The following SPOCK3 variants were observed in gnomAD, a reference collection of about 807,000 sequenced individuals.
SPOCK3 encodes the protein testican-3.
In SPOCK3, 30 loss-of-function variants were observed where a neutral mutation model predicts 56.6. The observed-to-expected ratio is 0.53, with a 90% confidence interval of 0.40 to 0.72. SPOCK3 has a LOEUF of 0.72. Ranked by LOEUF, SPOCK3 falls within the 30% of genes least tolerant of loss-of-function variation. SPOCK3 has a pLI of 0.00. For synonymous variants in SPOCK3, 196 were observed against 183.3 expected (o/e 1.07, Z -0.56); for missense variants, 527 against 530.0 (o/e 0.99, Z 0.06).
rs765622322 is a variant in SPOCK3, at chr4:166,754,672, C to A, written c.767G>T (p.Arg256Ile). The A allele has an allele frequency of 6.2e-7, 1 of 1,613,662 alleles. No individual in the cohort carries two copies. Among genetic ancestry groups the A allele is most frequent in the South Asian group, 1.1e-5 (1 of 91,064 alleles). Residue 256 changes from arginine to isoleucine, a missense_variant, in exon 8 of 11, where the codon AGA (arginine) becomes ATA (isoleucine). Transcript: ENST00000357545. ...CKDSLGWMFN[R>I]LDTNYDLLLD... ...TAGCAGGTCATAGTTTGTATCAAGT[C>A]TGTTAAACATCCAGCCAAGTGAGTC...
At chr4:167,011,528 C>A (rs1454214286) in intron 3 of SPOCK3, among the ~76,000 whole-genome samples, 1 of 152,034 alleles carries the variant, frequency 6.6e-6, no homozygotes, top group African/African-American at 2.4e-5. Context: ...GTAATTTTAA[C>A]AATTTTAAAA....
intron 7 of SPOCK3, among the ~76,000 whole-genome samples, chr4:166,788,631 CT>C: frequency 6.6e-6 from 1 of 151,586 alleles, no homozygotes; most frequent in East Asian, 1.9e-4. Context: ...GCTGACAAAC[CT>C]TACAATTATC....
intron 2 of SPOCK3, among the ~76,000 whole-genome samples, chr4:167,083,528 G>T (rs1310894410): frequency 6.6e-6 from 1 of 152,056 alleles, no homozygotes; most frequent in African/African-American, 2.4e-5. Context: ...TTGTCATTTT[G>T]TTTAGACAAC....
rs1282642256 is a variant in SPOCK3, at chr4:167,108,635, G to C, written c.190-46098C>G. Among the ~76,000 whole-genome samples, 3 of 151,644 alleles carry C rather than the reference G, an allele frequency of 2.0e-5. No individual in the cohort carries two copies. In the Admixed American group the frequency reaches 2.0e-4, roughly 10 times the overall value. On this transcript the variant is annotated intron_variant, in intron 2 of 10. Transcript: ENST00000357545. ...AATTGAACTATGGAAAGAGAGAGTA[G>C]AAGGATGGTTACTAGATGCTGGGAA... is the stretch of plus-strand genomic sequence containing the variant.
chr4:166,765,583 A>G (rs1737901166), intron 7 of SPOCK3, among the ~76,000 whole-genome samples: 1 of 152,184 alleles, frequency 6.6e-6, no homozygotes, highest in Non-Finnish European at 1.5e-5. Context: ...TGTTTTGGTT[A>G]CTGTAGCCTT....
At chr4:167,026,947 TG>T (rs1751753187) in intron 3 of SPOCK3, among the ~76,000 whole-genome samples, 1 of 151,822 alleles carries the variant, frequency 6.6e-6, no homozygotes, top group South Asian at 2.1e-4. Flanking sequence ...ATATGGTTTG[TG>T]CAGAATTTTC....
intron 5 of SPOCK3, among the ~76,000 whole-genome samples, chr4:166,908,526 G>GCACA (rs377518404): frequency 0.048 from 6,543 of 136,062 alleles, 215 homozygotes; most frequent in African/African-American, 0.095. Flanking sequence ...TCAAAACCAT[G>GCACA]CACACACACA....
chr4:166,772,879 C>G (rs6822872), intron 7 of SPOCK3, among the ~76,000 whole-genome samples: 69,558 of 151,990 alleles, frequency 0.46, 16,442 homozygotes, highest in African/African-American at 0.51. Flanking sequence ...CAGCCTCAAC[C>G]TCCTGAGCTC....
At chr4:167,096,771 CAA>C (rs957119967) in intron 2 of SPOCK3, among the ~76,000 whole-genome samples, 1 of 151,726 alleles carries the variant, frequency 6.6e-6, no homozygotes, top group Non-Finnish European at 1.5e-5. Context: ...TAAATTACAT[CAA>C]GTTGATTAAT....
intron 4 of SPOCK3, among the ~76,000 whole-genome samples, chr4:166,978,203 T>C (rs1022022875): frequency 6.6e-6 from 1 of 152,172 alleles, no homozygotes; most frequent in African/African-American, 2.4e-5. Flanking sequence ...TTCTTACTTC[T>C]CTTTCCAATT....
At chr4:166,788,339 T>C (rs1424629685) in intron 7 of SPOCK3, among the ~76,000 whole-genome samples, 1 of 152,210 alleles carries the variant, frequency 6.6e-6, no homozygotes, top group East Asian at 1.9e-4. Context: ...CAATTTAAAA[T>C]GTTAGAGGTA....
chr4:167,062,183 CT>C (rs1292404889), intron 3 of SPOCK3, among the ~76,000 whole-genome samples: 1 of 151,810 alleles, frequency 6.6e-6, no homozygotes, highest in African/African-American at 2.4e-5. Context: ...AGTGAATGTA[CT>C]TGAAAACTGG....
intron 4 of SPOCK3, among the ~76,000 whole-genome samples, chr4:166,937,147 T>C (rs982839482): frequency 5.9e-5 from 9 of 152,074 alleles, no homozygotes; most frequent in African/African-American, 2.2e-4. Flanking sequence ...AGGTAGATTT[T>C]TGGTAGATAC....
At chr4:167,062,301 C>CA (rs1490283751) in intron 3 of SPOCK3, among the ~76,000 whole-genome samples, 191 bp downstream of exon 3, 3 of 151,698 alleles carry the variant, frequency 2.0e-5, no homozygotes, top group Admixed American at 1.3e-4. Context: ...CTGACATAAT[C>CA]ATGATAACTA....
At chr4:167,187,270 G>GTT (rs5863863) in intron 2 of SPOCK3, among the ~76,000 whole-genome samples, 73 of 138,986 alleles carry the variant, frequency 5.3e-4, no homozygotes, top group East Asian at 1.7e-3. Flanking sequence ...TAGGGTTCCA[G>GTT]TTTTTTTTTT....
At chr4:166,856,165 G>A (rs1280002244) in intron 6 of SPOCK3, among the ~76,000 whole-genome samples, 4 of 151,770 alleles carry the variant, frequency 2.6e-5, no homozygotes, top group Admixed American at 6.6e-5. Context: ...CTGAGGGGAG[G>A]AGGAGGAGGA....
intron 6 of SPOCK3, among the ~76,000 whole-genome samples, chr4:166,855,056 A>G (rs1246534389): frequency 6.6e-6 from 1 of 152,144 alleles, no homozygotes; most frequent in African/African-American, 2.4e-5. Context: ...CCTGCGAACA[A>G]TTGTTTTCCT....
At chr4:167,135,690 TGTGTG>T (rs1763060375) in intron 2 of SPOCK3, among the ~76,000 whole-genome samples, 1 of 125,348 alleles carries the variant, frequency 8.0e-6, no homozygotes, top group African/African-American at 2.7e-5. Flanking sequence ...CGTGTGTGTG[TGTGTG>T]TGTGTGTGTG....
At chr4:166,855,245 A>T (rs558104526) in intron 6 of SPOCK3, among the ~76,000 whole-genome samples, 5 of 152,290 alleles carry the variant, frequency 3.3e-5, no homozygotes, top group East Asian at 3.9e-4. Flanking sequence ...TGATCTTGAC[A>T]TTTCATTGAG....
Sources: gnomAD v4.1 joint callset for allele counts (sites outside exome capture counted in the v4.1 genomes callset) on GRCh38, gnomAD v4.1.1 for gene constraint, MANE v1.5 for transcripts, NCBI Gene and HGNC (gene_info 2026-07-23, HGNC 2026-07-21) for gene names.